The following PIBF1 variants were observed in gnomAD, a reference collection of about 807,000 sequenced individuals.
The protein encoded by PIBF1 is progesterone-induced-blocking factor 1.
PIBF1 carries 90 observed loss-of-function variants against 112.5 expected under a neutral mutation model. The observed-to-expected ratio is 0.80, with a 90% CI of 0.67 to 0.95. The LOEUF (loss-of-function observed/expected upper bound fraction) is 0.95, where lower values mean the gene tolerates loss of function less well. Among genes scored for constraint, PIBF1 ranks in the 40% least tolerant of loss-of-function variants. PIBF1 has a pLI of 0.00. For missense variants in PIBF1, 915 were observed against 852.3 expected (o/e 1.07, Z -0.92); for synonymous variants, 301 against 288.6 (o/e 1.04, Z -0.44).
chr13:72,858,334 G>C (rs946433214), intron 10 of PIBF1, among the ~76,000 whole-genome samples: 1 of 152,204 alleles, frequency 6.6e-6, no homozygotes, highest in Non-Finnish European at 1.5e-5. Context: ...TTACAGGCGT[G>C]AGCCACTACG....
intron 9 of PIBF1, among the ~76,000 whole-genome samples, chr13:72,839,500 G>T (rs1199393780): frequency 6.6e-6 from 1 of 152,142 alleles, no homozygotes; most frequent in Non-Finnish European, 1.5e-5. Context: ...GAAAGATCTG[G>T]GAATTAGAGA....
At chr13:72,851,900 C>T (rs1181339132) in intron 9 of PIBF1, among the ~76,000 whole-genome samples, 3 of 152,270 alleles carry the variant, frequency 2.0e-5, no homozygotes, top group African/African-American at 7.2e-5. Flanking sequence ...AACCTGCCTG[C>T]AGAGAGAATC....
intron 14 of PIBF1, among the ~76,000 whole-genome samples, chr13:72,962,527 AG>A (rs1468362479): frequency 6.6e-6 from 1 of 151,620 alleles, no homozygotes; most frequent in Non-Finnish European, 1.5e-5. Context: ...TGAGCCCAGG[AG>A]GTAGGCTGCA....
At chr13:72,966,579 A>T (rs907871069) in intron 15 of PIBF1, among the ~76,000 whole-genome samples, 1 of 152,020 alleles carries the variant, frequency 6.6e-6, no homozygotes, top group Non-Finnish European at 1.5e-5. Flanking sequence ...CCCAAATAGA[A>T]TTTTTTCCTC....
At chr13:72,807,986 T>C (rs1566295885) in intron 5 of PIBF1, among the ~76,000 whole-genome samples, 1 of 152,196 alleles carries the variant, frequency 6.6e-6, no homozygotes, top group Admixed American at 6.5e-5. Flanking sequence ...ATGCTGAACT[T>C]TTTTTTCCAT....
chr13:72,790,630 G>A lies in PIBF1; in HGVS notation c.253-1817G>A, dbSNP rs201426011. On this transcript the variant is annotated intron_variant, in intron 2 of 17. Transcript: ENST00000326291. ...TGGTATTTCCTAGGGAGAACAGAGG[G>A]CTATAAAGTAAGTCAAAGGGGTAGT... Among the ~76,000 whole-genome samples, 9 of 152,186 alleles carry A rather than the reference G, an allele frequency of 5.9e-5. No homozygotes were observed. In the East Asian group the frequency reaches 1.7e-3, roughly 29 times the overall value.
chr13:72,846,767 A>C (rs532166456), intron 9 of PIBF1, among the ~76,000 whole-genome samples: 1 of 152,120 alleles, frequency 6.6e-6, no homozygotes, highest in Non-Finnish European at 1.5e-5. Flanking sequence ...TTTGTTTTTA[A>C]TCTATCAACA....
At chr13:72,901,549 G>A (rs2040485520) in intron 11 of PIBF1, among the ~76,000 whole-genome samples, 1 of 152,144 alleles carries the variant, frequency 6.6e-6, no homozygotes, top group South Asian at 2.1e-4. Flanking sequence ...GCCAGGCATG[G>A]TGGCAGGTGC....
chr13:72,909,589 G>T (rs1229965558), intron 12 of PIBF1, among the ~76,000 whole-genome samples: 4 of 151,832 alleles, frequency 2.6e-5, no homozygotes, highest in Non-Finnish European at 4.4e-5. Context: ...CTGCCTCCCG[G>T]TTTCAAGCGA....
At chr13:72,987,598 T>C (rs986441709) in intron 16 of PIBF1, among the ~76,000 whole-genome samples, 5 of 151,544 alleles carry the variant, frequency 3.3e-5, no homozygotes, top group African/African-American at 1.2e-4. Flanking sequence ...TTTCACTTCT[T>C]AGTAGCTAAA....
At chr13:72,796,016 T>G (rs1341393569) in intron 4 of PIBF1, among the ~76,000 whole-genome samples, 1 of 152,190 alleles carries the variant, frequency 6.6e-6, no homozygotes, top group Non-Finnish European at 1.5e-5. Flanking sequence ...GTCTCAAATA[T>G]TTTGGTGTCA....
At chr13:72,972,048 A>ATTTATTTAT (rs959326644) in intron 15 of PIBF1, among the ~76,000 whole-genome samples, 3 of 116,942 alleles carry the variant, frequency 2.6e-5, no homozygotes, top group African/African-American at 8.4e-5. Context: ...TTATTTATTT[A>ATTTATTTAT]TTTTTTGAGA....
chr13:72,937,418 C>G (rs1045417671), intron 14 of PIBF1, among the ~76,000 whole-genome samples: 2 of 152,170 alleles, frequency 1.3e-5, no homozygotes, highest in Admixed American at 6.6e-5. Context: ...AAGAACCTTA[C>G]AACAGTATTC....
intron 2 of PIBF1, among the ~76,000 whole-genome samples, chr13:72,790,522 G>GATCACACACACAC (rs1342631817): frequency 1.0e-4 from 9 of 90,186 alleles, no homozygotes; most frequent in African/African-American, 2.9e-4. Context: ...TAGATAGATA[G>GATCACACACACAC]ATAGATAGAT....
At chr13:72,949,160 CA>C (rs1469649670) in intron 14 of PIBF1, among the ~76,000 whole-genome samples, 5 of 152,226 alleles carry the variant, frequency 3.3e-5, no homozygotes, top group South Asian at 4.2e-4. Context: ...CTTGAAATCA[CA>C]TTTTCACTAA....
At chr13:72,860,853 T>G (rs935615874) in intron 10 of PIBF1, among the ~76,000 whole-genome samples, 4 of 152,198 alleles carry the variant, frequency 2.6e-5, no homozygotes, top group Non-Finnish European at 5.9e-5. Flanking sequence ...TATGTCCCAA[T>G]TCAAGCTCAA....
intron 14 of PIBF1, among the ~76,000 whole-genome samples, chr13:72,943,966 C>T (rs2042080182): frequency 6.6e-6 from 1 of 152,164 alleles, no homozygotes; most frequent in African/African-American, 2.4e-5. Context: ...GAGCACTTAG[C>T]ACACTAACTG....
At chr13:72,942,330 G>T (rs2042036506) in intron 14 of PIBF1, among the ~76,000 whole-genome samples, 2 of 149,658 alleles carry the variant, frequency 1.3e-5, no homozygotes, top group Admixed American at 1.3e-4. Flanking sequence ...GGATGCTGCT[G>T]ATTAAACTGT....
chr13:72,855,242 T>C (rs1461142202), intron 10 of PIBF1, among the ~76,000 whole-genome samples: 1 of 152,192 alleles, frequency 6.6e-6, no homozygotes, highest in African/African-American at 2.4e-5. Flanking sequence ...ATTAACCTAT[T>C]GTAAAAATCT....
Sources: gnomAD v4.1 joint callset for allele counts (sites outside exome capture counted in the v4.1 genomes callset) on GRCh38, gnomAD v4.1.1 for gene constraint, MANE v1.5 for transcripts, NCBI Gene and HGNC (gene_info 2026-07-23, HGNC 2026-07-21) for gene names.